The following FHIT variants were observed in gnomAD, a reference collection of about 807,000 sequenced individuals.
FHIT encodes bis(5'-adenosyl)-triphosphatase.
A neutral mutation model predicts 17.9 loss-of-function variants in FHIT; 19 were observed. That is an observed-to-expected ratio of 1.06 (90% confidence interval 0.74 to 1.56). FHIT has a LOEUF of 1.56. Among genes scored for constraint, FHIT ranks in the 40% most tolerant of loss-of-function variants. The pLI, the probability that FHIT is intolerant of heterozygous loss-of-function variation, is 0.00. For synonymous variants in FHIT, 81 were observed against 69.7 expected (o/e 1.16, Z -0.81); for missense variants, 248 against 189.2 (o/e 1.31, Z -1.82).
intron 5 of FHIT, among the ~76,000 whole-genome samples, chr3:60,358,259 A>G (rs1462704817): frequency 6.6e-6 from 1 of 152,240 alleles, no homozygotes; most frequent in Non-Finnish European, 1.5e-5. Flanking sequence ...AACTCATTTT[A>G]GAGAACAATC....
intron 3 of FHIT, among the ~76,000 whole-genome samples, chr3:60,825,661 T>A (rs1702085405): frequency 6.6e-6 from 1 of 152,112 alleles, no homozygotes; most frequent in Non-Finnish European, 1.5e-5. Flanking sequence ...GCGAGGGATC[T>A]AGGCTGCCTG....
intron 5 of FHIT, among the ~76,000 whole-genome samples, chr3:60,248,989 A>T (rs1054865406): frequency 6.6e-6 from 1 of 152,178 alleles, no homozygotes; most frequent in Non-Finnish European, 1.5e-5. Flanking sequence ...GAGTTCACTT[A>T]CTTTTCCACA....
chr3:61,043,359 C>A (rs554687782), intron 2 of FHIT, among the ~76,000 whole-genome samples: 10 of 152,302 alleles, frequency 6.6e-5, no homozygotes, highest in African/African-American at 2.2e-4. Flanking sequence ...CCCACGCCCA[C>A]GGAGCCTTGC....
intron 5 of FHIT, among the ~76,000 whole-genome samples, chr3:60,135,921 G>A (rs1235048537): frequency 3.3e-5 from 5 of 151,722 alleles, no homozygotes; most frequent in Admixed American, 6.6e-5. Flanking sequence ...GTCCATCATC[G>A]CCCCCTCCCC....
Position 59,797,567 on chromosome 3 carries a change from A to G in FHIT, c.349-45246T>C, listed in dbSNP as rs77761549. On this transcript the variant is annotated intron_variant, in intron 8 of 9. Coordinates refer to ENST00000492590, the MANE Select transcript of FHIT (RefSeq NM_002012.4). Reference sequence around the variant, plus strand: ...ATTTGTCATTTCTTTGGATGAACCAATGCATGTAAGGAGGATGTAGTTCTG... The same window carrying G: ...ATTTGTCATTTCTTTGGATGAACCAGTGCATGTAAGGAGGATGTAGTTCTG... Among the ~76,000 whole-genome samples, 1,062 of 152,320 alleles carry G rather than the reference A, an allele frequency of 7.0e-3. 13 individuals carry two copies. Among genetic ancestry groups the G allele is most frequent in the African/African-American group, 0.024 (999 of 41,568 alleles).
rs531412528 is a variant in FHIT, at chr3:60,263,768, C to T, written c.104-249616G>A. 4.0e-5 allele frequency among the ~76,000 whole-genome samples: 6 copies of T among 151,898 alleles called. No individual in the cohort carries two copies. In the East Asian group the frequency reaches 1.2e-3, roughly 29 times the overall value. On this transcript the variant is annotated intron_variant, in intron 5 of 9. Coordinates refer to ENST00000492590, the MANE Select transcript of FHIT (RefSeq NM_002012.4). ...GTGTATGTAAATTTTATGTGTGTTG[C>T]TGTATATAAATGATATCAAAAAATT... is the stretch of plus-strand genomic sequence containing the variant.
At chr3:60,466,250 C>G (rs1225394618) in intron 5 of FHIT, among the ~76,000 whole-genome samples, 2 of 151,992 alleles carry the variant, frequency 1.3e-5, no homozygotes, top group African/African-American at 2.4e-5. Context: ...TGCAACTGTA[C>G]TCAATTTGTT....
At chr3:60,110,594 G>C (rs9833268) in intron 5 of FHIT, among the ~76,000 whole-genome samples, 1 of 152,100 alleles carries the variant, frequency 6.6e-6, no homozygotes, top group Admixed American at 6.5e-5. Context: ...TCTTGGATAA[G>C]TTACATCACC....
At chr3:60,462,318 C>T (rs1377632616) in intron 5 of FHIT, among the ~76,000 whole-genome samples, 5 of 152,010 alleles carry the variant, frequency 3.3e-5, no homozygotes, top group Non-Finnish European at 7.4e-5. Context: ...GCCACTGAGG[C>T]ACAGAGTTGG....
chr3:59,959,872 G>C (rs1316524889), intron 7 of FHIT, among the ~76,000 whole-genome samples: 1 of 152,158 alleles, frequency 6.6e-6, no homozygotes, highest in Non-Finnish European at 1.5e-5. Context: ...TGATAGGCAA[G>C]TTGACATTAA....
intron 8 of FHIT, among the ~76,000 whole-genome samples, chr3:59,819,404 T>C (rs1210822263): frequency 6.6e-6 from 1 of 152,262 alleles, no homozygotes. Context: ...TATGTTTGTC[T>C]GTACTTCATA....
chr3:61,205,192 G>A lies in FHIT; in HGVS notation c.-212-4527C>T, dbSNP rs1298838718. On this transcript the variant is annotated intron_variant, in intron 1 of 9. Coordinates refer to ENST00000492590, the MANE Select transcript of FHIT (RefSeq NM_002012.4). ...CTGCATAGTATTCCATGGTGTATATGTGCCACATTTTCTTAATCCAGTCTA... is the reference window on the plus strand; with the variant it reads ...CTGCATAGTATTCCATGGTGTATATATGCCACATTTTCTTAATCCAGTCTA... Among the ~76,000 whole-genome samples, 10 of 152,124 alleles carry A rather than the reference G, an allele frequency of 6.6e-5. No individual in the cohort carries two copies. In the East Asian group the frequency reaches 1.4e-3, roughly 21 times the overall value.
rs142352014 is a variant in FHIT at position 60,131,145 on chromosome 3, C to T, written c.104-116993G>A. 3.8e-3 allele frequency among the ~76,000 whole-genome samples: 540 copies of T among 141,350 alleles called. 15 individuals carry two copies. The highest frequency in any genetic ancestry group is 0.035 in the Admixed American group (478 of 13,782). The allele number at this position is 141,350 out of a possible 152,430, so 92.7% of individuals were successfully genotyped here. ...CCTTGGATTGGTTTCAAGACCCCTG[C>T]ATATACAAAAATTAGCAGTTGCTCA... is the stretch of plus-strand genomic sequence containing the variant. On this transcript the variant is annotated intron_variant, in intron 5 of 9. Coordinates refer to ENST00000492590, the MANE Select transcript of FHIT (RefSeq NM_002012.4).
chr3:59,860,735 A>T (rs1369206968), intron 8 of FHIT, among the ~76,000 whole-genome samples: 2 of 152,214 alleles, frequency 1.3e-5, no homozygotes, highest in Non-Finnish European at 2.9e-5. Context: ...AGGGTAGAAC[A>T]GAATAAAAAG....
At chr3:60,073,058 G>T (rs2106987523) in intron 5 of FHIT, among the ~76,000 whole-genome samples, 1 of 152,272 alleles carries the variant, frequency 6.6e-6, no homozygotes, top group East Asian at 1.9e-4. Context: ...TTTGAAACTA[G>T]GTCTTCTTTC....
chr3:61,101,809 C>T (rs560855678), intron 2 of FHIT, among the ~76,000 whole-genome samples: 9 of 152,080 alleles, frequency 5.9e-5, no homozygotes, highest in African/African-American at 2.2e-4. Flanking sequence ...TTATTCTCTT[C>T]ATAGCAATTG....
In FHIT at chr3:59,942,108, C is replaced by A. The variant is rs1304342858; in HGVS notation, c.280-19694G>T. ...TGGACCCTGTTAACTATTCACATCG[C>A]CACCCTGACAAAAGTCTTCCTGCTC... On this transcript the variant is annotated intron_variant, in intron 7 of 9. Transcript: ENST00000492590. 4.6e-5 allele frequency among the ~76,000 whole-genome samples: 7 copies of A among 152,244 alleles called. No individual in the cohort carries two copies. In the East Asian group the frequency reaches 9.7e-4, roughly 21 times the overall value.
At chr3:60,971,652 C>T (rs1710020746) in intron 3 of FHIT, among the ~76,000 whole-genome samples, 1 of 151,858 alleles carries the variant, frequency 6.6e-6, no homozygotes, top group African/African-American at 2.4e-5. Flanking sequence ...GCTGTAATTT[C>T]TGTTTGTTTG....
intron 5 of FHIT, among the ~76,000 whole-genome samples, chr3:60,441,730 T>TATATATTTATATATATAAA (rs2030834252): frequency 2.3e-5 from 2 of 88,648 alleles, no homozygotes; most frequent in Non-Finnish European, 4.2e-5. Flanking sequence ...ATATTTGTAT[T>TATATATTTATATATATAAA]TATATATATA....
Sources: allele counts gnomAD v4.1 joint callset (sites outside exome capture counted in the v4.1 genomes callset), GRCh38; gene constraint gnomAD v4.1.1; transcripts MANE v1.5; gene names NCBI Gene and HGNC (gene_info 2026-07-23, HGNC 2026-07-21).